The following FGF13 variants were observed in gnomAD, a reference collection of about 807,000 sequenced individuals.
FGF13 encodes the protein fibroblast growth factor 13.
Under a neutral mutation model 19.5 loss-of-function variants are expected in FGF13, and 2 were observed. The ratio of observed to expected loss-of-function variants is 0.10; its 90% CI spans 0.04 to 0.32. The LOEUF (loss-of-function observed/expected upper bound fraction) is 0.32. FGF13 is among the 10% of genes least tolerant of loss of function. The pLI is 1.00. For missense variants in FGF13, 113 were observed against 192.7 expected, an observed-to-expected ratio of 0.59 and a Z score of 2.45; for synonymous variants, 72 against 76.9, an observed-to-expected ratio of 0.94 and a Z score of 0.33.
upstream of FGF13, among the ~76,000 whole-genome samples, chrX:138,743,667 T>A (rs1416024608): frequency 1.8e-5 from 2 of 111,859 alleles, no homozygotes; most frequent in Non-Finnish European, 3.8e-5. Flanking sequence ...TCAGTTATGC[T>A]ATGAACCTAA....
At chrX:138,862,537 A>G (rs1195361885) in intron 2 of FGF13, among the ~76,000 whole-genome samples, 1 of 111,580 alleles carries the variant, frequency 9.0e-6, no homozygotes, top group Non-Finnish European at 1.9e-5. Flanking sequence ...GAGAAAAAAA[A>G]ATGGGGTAAT....
chrX:139,028,582 CGTGTGTGTGTGTGTGTGTGTGTGT>C (rs1203709668), intron 1 of FGF13, among the ~76,000 whole-genome samples: 1 of 61,605 alleles, frequency 1.6e-5, no homozygotes, highest in Non-Finnish European at 3.2e-5. Flanking sequence ...GGAGAGAGAG[CGTGTGTGTGTGTGTGTGTGTGTGT>C]GTGTGTGTGT....
At chrX:138,992,474 G>T (rs1209326469) in intron 1 of FGF13, among the ~76,000 whole-genome samples, 2 of 110,931 alleles carry the variant, frequency 1.8e-5, no homozygotes, top group Non-Finnish European at 3.8e-5. Context: ...CATTTCTGTG[G>T]TTTCATTTTT....
chrX:138,957,894 G>A (rs1034215435), intron 1 of FGF13, among the ~76,000 whole-genome samples: 8 of 112,378 alleles, frequency 7.1e-5, no homozygotes, highest in African/African-American at 2.6e-4. Flanking sequence ...AGACTTTGCT[G>A]AAGTTGCTTA....
chrX:138,913,488 T>C (rs896612634), intron 1 of FGF13, among the ~76,000 whole-genome samples: 1 of 110,031 alleles, frequency 9.1e-6, no homozygotes. Flanking sequence ...GAAGTCCCAA[T>C]TGTAGTTGGG....
At chrX:138,894,470 A>C (rs905196261) in intron 1 of FGF13, among the ~76,000 whole-genome samples, 1 of 111,467 alleles carries the variant, frequency 9.0e-6, no homozygotes, top group African/African-American at 3.3e-5. Context: ...AAAATGATAA[A>C]GGGGATATAA....
In FGF13 at chrX:138,624,500, G is replaced by C. The variant is rs923385936; in HGVS notation, c.*8350C>G. The C allele has an allele frequency of 1.8e-5, 2 of 112,274 alleles. No homozygotes were observed. Among genetic ancestry groups the C allele is most frequent in the Non-Finnish European group, 3.8e-5 (2 of 53,280 alleles). The allele number at this position is 112,274 out of a possible 1,213,427, so 9.3% of individuals were successfully genotyped here. ...AATAAGAAATAATGTCTATGGCATT[G>C]GTCTTGGCAATAACTTTTTTGGCTG... On this transcript the variant is annotated 3_prime_UTR_variant, in exon 5 of 5. Coordinates refer to ENST00000315930, the MANE Select transcript of FGF13 (RefSeq NM_004114.5).
chrX:138,952,307 G>C (rs1467820939), intron 1 of FGF13, among the ~76,000 whole-genome samples: 1 of 111,507 alleles, frequency 9.0e-6, no homozygotes, highest in Non-Finnish European at 1.9e-5. Flanking sequence ...TGACAAACCT[G>C]ACAAAAACAA....
intron 1 of FGF13, among the ~76,000 whole-genome samples, chrX:138,958,812 G>A: frequency 9.0e-6 from 1 of 111,711 alleles, no homozygotes; most frequent in South Asian, 3.8e-4. Flanking sequence ...TTTGTGTAGA[G>A]GTGTTTATAG....
intron 1 of FGF13, among the ~76,000 whole-genome samples, chrX:139,005,026 C>T (rs1037241034): frequency 8.9e-6 from 1 of 112,116 alleles, no homozygotes; most frequent in Non-Finnish European, 1.9e-5. Flanking sequence ...GCAAGCCTGG[C>T]AGGCTTAAGC....
chrX:139,039,785 A>G (rs2092263136), intron 1 of FGF13, among the ~76,000 whole-genome samples: 1 of 111,345 alleles, frequency 9.0e-6, no homozygotes, highest in African/African-American at 3.3e-5. Context: ...CAGGCATTCT[A>G]TCAATATATT....
intron 1 of FGF13, among the ~76,000 whole-genome samples, chrX:138,995,817 T>G (rs1251504893): frequency 8.9e-6 from 1 of 112,409 alleles, no homozygotes; most frequent in Non-Finnish European, 1.9e-5. Context: ...CCTCTGCATA[T>G]GCACCCAGTA....
At chrX:138,658,323 AC>A (rs2089456722) in intron 3 of FGF13, among the ~76,000 whole-genome samples, 1 of 112,579 alleles carries the variant, frequency 8.9e-6, no homozygotes, top group Non-Finnish European at 1.9e-5. Flanking sequence ...TGCCTTCACT[AC>A]AACAGCTATC....
intron 1 of FGF13, among the ~76,000 whole-genome samples, chrX:138,735,857 T>C (rs1331801251): frequency 8.9e-6 from 1 of 112,366 alleles, no homozygotes; most frequent in Non-Finnish European, 1.9e-5. Context: ...AGAGTAATCA[T>C]TTTAATACGT....
At chrX:138,670,405 T>C (rs1324127486) in intron 3 of FGF13, among the ~76,000 whole-genome samples, 1 of 112,140 alleles carries the variant, frequency 8.9e-6, no homozygotes, top group Non-Finnish European at 1.9e-5. Flanking sequence ...ACCATAACAT[T>C]ATTTTGTAAC....
At chrX:139,196,192 A>G (rs774682609) in intron 1 of FGF13, among the ~76,000 whole-genome samples, 1 of 112,288 alleles carries the variant, frequency 8.9e-6, no homozygotes, top group East Asian at 2.8e-4. Flanking sequence ...AAACAAGTGG[A>G]GTTTTTACTC....
At chrX:138,897,970 C>T (rs766276018) in intron 1 of FGF13, among the ~76,000 whole-genome samples, 2 of 111,549 alleles carry the variant, frequency 1.8e-5, no homozygotes, top group South Asian at 7.6e-4. Context: ...GGAACACCCT[C>T]TCAGGCTTTC....
chrX:139,082,530 C>T (rs1002271961), intron 1 of FGF13, among the ~76,000 whole-genome samples: 4 of 111,327 alleles, frequency 3.6e-5, no homozygotes, highest in African/African-American at 9.8e-5. Flanking sequence ...GAGAGGAGGA[C>T]GTACAGGCAC....
chrX:138,990,662 C>T (rs1603103552), intron 1 of FGF13: 1 of 110,999 alleles, frequency 9.0e-6, no homozygotes, highest in East Asian at 2.9e-4. Context: ...TTCAGTATCA[C>T]CAGAACAGCA....
Sources: allele counts gnomAD v4.1 joint callset (sites outside exome capture counted in the v4.1 genomes callset), GRCh38; gene constraint gnomAD v4.1.1; transcripts MANE v1.5; gene names NCBI Gene and HGNC (gene_info 2026-07-23, HGNC 2026-07-21).